Variants in MEI4 observed in about 807,000 individuals in gnomAD.
The protein encoded by MEI4 is meiotic double-stranded break formation protein 4, also known as meiosis-specific protein MEI4.
In MEI4, 27 loss-of-function variants were observed where a neutral mutation model predicts 31.4. The ratio of observed to expected loss-of-function variants is 0.86; its 90% confidence interval spans 0.63 to 1.19. The LOEUF (loss-of-function observed/expected upper bound fraction) is 1.19. Among genes scored for constraint, MEI4 ranks in the 50% most tolerant of loss-of-function variants. The pLI, the probability that MEI4 is intolerant of heterozygous loss-of-function variation, is 0.00. For synonymous variants in MEI4, 122 were observed against 145.4 expected (o/e 0.84, Z 1.16); for missense variants, 329 against 398.9 (o/e 0.82, Z 1.49).
chr6:77,692,678 TAATACCTA>T (rs1769180152), intron 2 of MEI4, among the ~76,000 whole-genome samples: 2 of 152,140 alleles, frequency 1.3e-5, no homozygotes, highest in Admixed American at 6.6e-5. Context: ...GTATTTAGGG[TAATACCTA>T]AATACCTAAA....
chr6:77,810,655 C>A (rs2127704721), intron 3 of MEI4, among the ~76,000 whole-genome samples: 1 of 152,204 alleles, frequency 6.6e-6, no homozygotes, highest in African/African-American at 2.4e-5. Context: ...GGCTTTCTAG[C>A]ATTTGGCTAG....
At chr6:77,851,135 C>A (rs1770607794) in intron 4 of MEI4, among the ~76,000 whole-genome samples, 1 of 152,108 alleles carries the variant, frequency 6.6e-6, no homozygotes, top group African/African-American at 2.4e-5. Context: ...AGTCAGGAAA[C>A]AACAGGTGCT....
chr6:77,833,588 T>A (rs750054393), intron 4 of MEI4, among the ~76,000 whole-genome samples: 1 of 152,210 alleles, frequency 6.6e-6, no homozygotes, highest in African/African-American at 2.4e-5. Flanking sequence ...GAGGTACACA[T>A]GTTCATTTTA....
chr6:77,801,602 C>A (rs551706685), intron 3 of MEI4, among the ~76,000 whole-genome samples: 2 of 152,212 alleles, frequency 1.3e-5, no homozygotes, highest in East Asian at 1.9e-4. Flanking sequence ...TTAGATCTTT[C>A]CTGCTTTCTC....
chr6:77,849,524 T>C (rs1770565457), intron 4 of MEI4, among the ~76,000 whole-genome samples: 1 of 152,226 alleles, frequency 6.6e-6, no homozygotes, highest in African/African-American at 2.4e-5. Context: ...ATAACAATTT[T>C]AACTGTAAGT....
At position 77,923,337 on chromosome 6, in the gene MEI4, TAGAAAATAACTCCA is replaced by T. The variant is rs1305560705; in HGVS notation, c.1150_*5del. On this transcript the variant is annotated stop_lost and 3_prime_UTR_variant, in exon 5 of 5. Coordinates refer to ENST00000684080, the MANE Select transcript of MEI4 (RefSeq NM_001322247.2). The stretch of plus-strand genomic sequence containing the variant: ...TGAGCTCAGCACAGATAGAAACTCT[TAGAAAATAACTCCA>T]TTCCTTAGCAATTTACCACGTTTGA... 2.4e-6 allele frequency: 3 copies of T among 1,229,792 alleles called. No homozygotes were observed. The East Asian group carries it at 9.5e-5, about 39-fold the overall frequency. 76.2% of individuals were successfully genotyped at this position (1,229,792 alleles called of 1,614,324 possible).
At chr6:77,792,535 A>C (rs1768965181) in intron 3 of MEI4, among the ~76,000 whole-genome samples, 1 of 152,170 alleles carries the variant, frequency 6.6e-6, no homozygotes, top group Non-Finnish European at 1.5e-5. Flanking sequence ...TGGATCATAT[A>C]CAAAAAAATA....
intron 3 of MEI4, among the ~76,000 whole-genome samples, chr6:77,774,589 G>A (rs1022873617): frequency 1.3e-5 from 2 of 151,922 alleles, no homozygotes; most frequent in African/African-American, 4.8e-5. Flanking sequence ...CAGGATGAGA[G>A]GAAGTTAAGT....
intron 4 of MEI4, among the ~76,000 whole-genome samples, chr6:77,890,747 G>A (rs1444471087): frequency 6.6e-6 from 1 of 152,156 alleles, no homozygotes; most frequent in Non-Finnish European, 1.5e-5. Context: ...TTGTGGGAGG[G>A]ACCCAGTGGG....
chr6:77,728,860 A>G (rs1273139416), intron 2 of MEI4, among the ~76,000 whole-genome samples: 3 of 152,158 alleles, frequency 2.0e-5, no homozygotes, highest in African/African-American at 7.2e-5. Context: ...ATACAGTGGG[A>G]ATTCTTTGGT....
chr6:77,904,553 C>T (rs976335304), intron 4 of MEI4, among the ~76,000 whole-genome samples: 3 of 151,974 alleles, frequency 2.0e-5, no homozygotes, highest in South Asian at 2.1e-4. Context: ...TAAATGAGAA[C>T]ATACAGGATT....
At chr6:77,760,217 T>A (rs1224697314) in intron 2 of MEI4, among the ~76,000 whole-genome samples, 3 of 152,102 alleles carry the variant, frequency 2.0e-5, no homozygotes, top group African/African-American at 7.2e-5. Context: ...TACACATGTA[T>A]ATACATATAT....
intron 2 of MEI4, among the ~76,000 whole-genome samples, chr6:77,703,534 C>A (rs1294955178): frequency 1.3e-5 from 2 of 152,086 alleles, no homozygotes. Context: ...AAATTGCAAT[C>A]ATCTTTATAT....
chr6:77,788,432 G>A (rs1768809987), intron 3 of MEI4, among the ~76,000 whole-genome samples: 2 of 152,144 alleles, frequency 1.3e-5, no homozygotes. Flanking sequence ...GAAATAAAGG[G>A]CATTCAATTA....
chr6:77,882,750 C>T (rs547139008), intron 4 of MEI4, among the ~76,000 whole-genome samples: 3 of 152,136 alleles, frequency 2.0e-5, no homozygotes, highest in South Asian at 4.1e-4. Context: ...TTGACATTTT[C>T]GTTGTAGTAT....
intron 4 of MEI4, among the ~76,000 whole-genome samples, chr6:77,913,658 T>G (rs1359714895): frequency 3.3e-5 from 5 of 152,024 alleles, no homozygotes; most frequent in African/African-American, 1.2e-4. Context: ...CTGCTTGTAT[T>G]TATTTGGATA....
chr6:77,746,058 G>T (rs1354264617), intron 2 of MEI4, among the ~76,000 whole-genome samples: 2 of 152,126 alleles, frequency 1.3e-5, no homozygotes, highest in Admixed American at 6.6e-5. Context: ...ACAATTAAAA[G>T]AACTAGAAAA....
chr6:77,676,418 T>G (rs1768846671), intron 1 of MEI4, among the ~76,000 whole-genome samples: 1 of 152,024 alleles, frequency 6.6e-6, no homozygotes, highest in Non-Finnish European at 1.5e-5. Flanking sequence ...TTCTAGCTAC[T>G]GGGAAGGCTG....
intron 1 of MEI4, among the ~76,000 whole-genome samples, chr6:77,685,883 T>A (rs550015707): frequency 6.6e-6 from 1 of 152,268 alleles, no homozygotes; most frequent in South Asian, 2.1e-4. Context: ...ACTATAGTGA[T>A]ATGGTTTTGA....
Sources: allele counts gnomAD v4.1 joint callset (sites outside exome capture counted in the v4.1 genomes callset), GRCh38; gene constraint gnomAD v4.1.1; transcripts MANE v1.5; gene names NCBI Gene and HGNC (gene_info 2026-07-23, HGNC 2026-07-21).